RTP2: variants seen among roughly 807,000 people sequenced by gnomAD.
The protein encoded by RTP2 is receptor transporter protein 2.
RTP2 carries 12 observed loss-of-function variants against 17.9 expected under a neutral mutation model. The ratio of observed to expected loss-of-function variants is 0.67; its 90% CI spans 0.43 to 1.09. The LOEUF (loss-of-function observed/expected upper bound fraction) is 1.09. Among genes scored for constraint, RTP2 ranks in the 50% least tolerant of loss-of-function variants. The probability of loss-of-function intolerance (pLI) is 0.00; values close to 1 mark genes in which losing one functional copy is unlikely to be tolerated. For synonymous variants in RTP2, 126 were observed against 117.7 expected, an observed-to-expected ratio of 1.07 and a Z score of -0.46; for missense variants, 327 against 295.7, an observed-to-expected ratio of 1.11 and a Z score of -0.78.
At chr3:187,703,307 C>T (rs1296696731), upstream of RTP2, among the ~76,000 whole-genome samples, 1 of 152,178 alleles carries the variant, frequency 6.6e-6, no homozygotes, top group Non-Finnish European at 1.5e-5. Flanking sequence ...AGAAGTGAAA[C>T]AGGTTGCTAA....
chr3:187,709,203 A>G, the RTP2 span, among the ~76,000 whole-genome samples: 3 of 152,124 alleles, frequency 2.0e-5, no homozygotes, highest in Non-Finnish European at 4.4e-5. Context: ...GCAGTGTTTT[A>G]TAGTATCTCT....
intron 1 of RTP2, among the ~76,000 whole-genome samples, chr3:187,699,335 T>TC (rs59788975): frequency 2.0e-5 from 3 of 151,924 alleles, no homozygotes; most frequent in South Asian, 2.1e-4. Context: ...TGCAGGGTCA[T>TC]CCCCCCCTCT....
At chr3:187,712,230 C>T in the RTP2 span, among the ~76,000 whole-genome samples, 20 of 152,128 alleles carry the variant, frequency 1.3e-4, no homozygotes, top group East Asian at 3.9e-4. Flanking sequence ...ATTGTGCTAT[C>T]GTTAGGTAAG....
exon 2 of RTP2, chr3:187,698,884 C>T: frequency 6.2e-7 from 1 of 1,612,222 alleles, no homozygotes; most frequent in South Asian, 1.1e-5. Flanking sequence ...GTGCCGCACT[C>T]ATAGCACAGC....
chr3:187,715,080 C>T, the RTP2 span, among the ~76,000 whole-genome samples: 128 of 152,234 alleles, frequency 8.4e-4, no homozygotes, highest in Admixed American at 1.6e-3. Flanking sequence ...CGCAAATGGC[C>T]CCCAGACTTC....
At chr3:187,699,009 A>G in exon 2 of RTP2, 2 of 1,579,508 alleles carry the variant, frequency 1.3e-6, no homozygotes, top group Non-Finnish European at 1.7e-6. Context: ...GGAGCAGTGG[A>G]ACCTGCCGGG....
chr3:187,705,753 C>G (rs953096514), upstream of RTP2, among the ~76,000 whole-genome samples: 14 of 152,150 alleles, frequency 9.2e-5, no homozygotes, highest in Admixed American at 9.2e-4. Flanking sequence ...CAGTTAACTT[C>G]CTTGGAGACT....
chr3:187,698,490 C>T (rs1201582062), exon 2 of RTP2: 5 of 1,595,634 alleles, frequency 3.1e-6, no homozygotes, highest in South Asian at 1.1e-5. Flanking sequence ...CACCCTTAAC[C>T]AGCTCCACTA....
At chr3:187,712,037 G>A in the RTP2 span, among the ~76,000 whole-genome samples, 3 of 152,220 alleles carry the variant, frequency 2.0e-5, no homozygotes, top group African/African-American at 7.2e-5. Flanking sequence ...TCTTCGAGAT[G>A]ATGGAACTGC....
the RTP2 span, among the ~76,000 whole-genome samples, chr3:187,708,202 C>T: frequency 5.9e-5 from 9 of 152,288 alleles, no homozygotes; most frequent in East Asian, 1.9e-4. Context: ...CAGACACCCA[C>T]GGGCTATATC....
chr3:187,699,044 G>C (rs753262974), intron 1 of RTP2, 33 bp from the exon 2 acceptor site: 12 of 1,548,814 alleles, frequency 7.7e-6, no homozygotes, highest in Non-Finnish European at 7.9e-6. Context: ...TGGAGAAGGT[G>C]GGCATCCCAG....
the RTP2 span, among the ~76,000 whole-genome samples, chr3:187,710,237 A>G: frequency 2.0e-4 from 30 of 152,220 alleles, 1 homozygote; most frequent in East Asian, 5.6e-3. Context: ...CTACAAGATC[A>G]GCTCTCTGGC....
the RTP2 span, among the ~76,000 whole-genome samples, chr3:187,707,920 T>C: frequency 6.6e-6 from 1 of 152,152 alleles, no homozygotes; most frequent in African/African-American, 2.4e-5. Flanking sequence ...ACCAAAAGTG[T>C]TCTCTAGGGA....
chr3:187,698,702 G>A (rs1717755353), exon 2 of RTP2: 2 of 1,614,040 alleles, frequency 1.2e-6, no homozygotes, highest in Middle Eastern at 1.7e-4. Flanking sequence ...TGCCCTCCTG[G>A]CAGGCCTCAC....
At chr3:187,713,318 G>A in the RTP2 span, among the ~76,000 whole-genome samples, 1 of 152,232 alleles carries the variant, frequency 6.6e-6, no homozygotes, top group African/African-American at 2.4e-5. Context: ...TCCTTACACT[G>A]TTGTGAGTTG....
In RTP2 at chr3:187,698,773, C is replaced by T. The variant is rs773201842; in HGVS notation, c.403G>A (p.Gly135Ser). The T allele has an allele frequency of 3.7e-6, 6 of 1,613,986 alleles. No individual in the cohort carries two copies. The highest frequency in any genetic ancestry group is 5.1e-6 in the Non-Finnish European group (6 of 1,179,938). ...CTGGCCACGTGGATGCGGTACTGGC[C>T]ACCATCCTCCTCGTAGCACTGCTCG... Residue 135 changes from glycine to serine, a missense_variant, in exon 2 of 2, where the codon GGC becomes AGC. Coordinates refer to ENST00000358241, the Ensembl canonical transcript of RTP2.
At chr3:187,710,390 T>C in the RTP2 span, among the ~76,000 whole-genome samples, 3 of 148,552 alleles carry the variant, frequency 2.0e-5, no homozygotes, top group Admixed American at 2.0e-4. Flanking sequence ...TATATATATA[T>C]ATATATATAT....
At chr3:187,701,885 G>C in intron 1 of RTP2, 80 bp downstream of exon 1, 1 of 1,356,472 alleles carries the variant, frequency 7.4e-7, no homozygotes, top group Non-Finnish European at 9.9e-7. Context: ...CCGCGACTGG[G>C]CTCTGTCTCT....
exon 2 of RTP2, chr3:187,698,402 T>C: frequency 8.9e-7 from 1 of 1,123,022 alleles, no homozygotes; most frequent in Non-Finnish European, 1.3e-6. Flanking sequence ...GACCGGATTG[T>C]CCAGTCATAT....
Sources: gnomAD v4.1 joint callset for allele counts (sites outside exome capture counted in the v4.1 genomes callset) on GRCh38, gnomAD v4.1.1 for gene constraint, MANE v1.5 for transcripts, NCBI Gene and HGNC (gene_info 2026-07-23, HGNC 2026-07-21) for gene names.